The following TOP6BL variants were observed in gnomAD, a reference collection of about 807,000 sequenced individuals.
TOP6BL encodes type 2 DNA topoisomerase 6 subunit B-like.
chr11:66,833,044 T>G, the TOP6BL span, among the ~76,000 whole-genome samples: 1 of 137,324 alleles, frequency 7.3e-6, no homozygotes, highest in Non-Finnish European at 1.6e-5. Context: ...TTCTGCCTTT[T>G]TTTTTTTTTT....
the TOP6BL span, among the ~76,000 whole-genome samples, chr11:66,777,091 ATATC>A: frequency 4.8e-5 from 7 of 146,180 alleles, no homozygotes; most frequent in Non-Finnish European, 1.1e-4. Flanking sequence ...ATATATCTAT[ATATC>A]TATATCTATA....
the TOP6BL span, among the ~76,000 whole-genome samples, chr11:66,841,050 G>C: frequency 0.84 from 127,233 of 150,814 alleles, 54,226 homozygotes; most frequent in African/African-American, 0.95. Context: ...CTTTTAGTCT[G>C]TTTCATGATT....
the TOP6BL span, chr11:66,822,422 G>A: frequency 3.2e-6 from 2 of 616,468 alleles, no homozygotes; most frequent in Non-Finnish European, 5.9e-6. Context: ...GTAAAAATAT[G>A]TGAGGATCTC....
the TOP6BL span, chr11:66,744,971 T>A: frequency 1.1e-5 from 14 of 1,240,192 alleles, no homozygotes; most frequent in Non-Finnish European, 1.3e-5. Context: ...GGAGACGGGC[T>A]TTGTGAGGAG....
At chr11:66,785,282 C>T in the TOP6BL span, among the ~76,000 whole-genome samples, 2 of 152,056 alleles carry the variant, frequency 1.3e-5, no homozygotes, top group South Asian at 4.1e-4. Context: ...TCTAATACCC[C>T]ATTACTTTCT....
the TOP6BL span, among the ~76,000 whole-genome samples, chr11:66,837,809 T>G: frequency 6.6e-6 from 1 of 152,172 alleles, no homozygotes; most frequent in South Asian, 2.1e-4. Flanking sequence ...GAAAAGGAGC[T>G]GGGAGGATTG....
chr11:66,821,875 C>A, the TOP6BL span: 1 of 1,273,670 alleles, frequency 7.9e-7, no homozygotes, highest in African/African-American at 1.5e-5. Flanking sequence ...CCTTCCTCTC[C>A]TCTTCTGTCA....
chr11:66,762,867 A>G, the TOP6BL span, among the ~76,000 whole-genome samples: 1 of 152,248 alleles, frequency 6.6e-6, no homozygotes, highest in East Asian at 1.9e-4. Flanking sequence ...ATAGGAAACA[A>G]TTCTACCTTT....
the TOP6BL span, among the ~76,000 whole-genome samples, chr11:66,806,100 T>G: frequency 6.6e-6 from 1 of 152,148 alleles, no homozygotes; most frequent in Non-Finnish European, 1.5e-5. Flanking sequence ...ATGGTCAGAT[T>G]TAGAGATACA....
At chr11:66,762,722 G>A in the TOP6BL span, among the ~76,000 whole-genome samples, 1 of 152,168 alleles carries the variant, frequency 6.6e-6, no homozygotes, top group Non-Finnish European at 1.5e-5. Context: ...GCCTGCCTCG[G>A]CCTGCCAAAG....
chr11:66,839,137 A>AC, the TOP6BL span: 1 of 456,166 alleles, frequency 2.2e-6, no homozygotes, highest in Admixed American at 2.3e-5. Flanking sequence ...TGCAGTGCTT[A>AC]AACAGCCTTC....
At chr11:66,821,655 T>G in the TOP6BL span, 93 of 1,608,136 alleles carry the variant, frequency 5.8e-5, no homozygotes, top group Non-Finnish European at 7.6e-5. Context: ...GTCTATACTT[T>G]GCTCACAACT....
chr11:66,834,427 A>G, the TOP6BL span, among the ~76,000 whole-genome samples: 1 of 152,196 alleles, frequency 6.6e-6, no homozygotes, highest in African/African-American at 2.4e-5. Context: ...TTAGTGGTAC[A>G]AGAGTGGCAC....
the TOP6BL span, chr11:66,759,007 T>A: frequency 6.8e-7 from 1 of 1,466,288 alleles, no homozygotes; most frequent in Non-Finnish European, 9.3e-7. Context: ...TGCATTTACT[T>A]ATTTGTGATA....
the TOP6BL span, among the ~76,000 whole-genome samples, chr11:66,836,917 T>C: frequency 6.6e-6 from 1 of 151,364 alleles, no homozygotes; most frequent in African/African-American, 2.4e-5. Flanking sequence ...GTCAGGCTGG[T>C]CTCAAACTCC....
At chr11:66,790,376 A>G in the TOP6BL span, among the ~76,000 whole-genome samples, 1 of 152,184 alleles carries the variant, frequency 6.6e-6, no homozygotes, top group East Asian at 1.9e-4. Flanking sequence ...AGGATGGATG[A>G]TAGAAGTGAG....
chr11:66,804,117 T>C, the TOP6BL span: 1 of 1,614,024 alleles, frequency 6.2e-7, no homozygotes, highest in African/African-American at 1.3e-5. Context: ...GAACTGATAC[T>C]GACTCCAGCA....
At chr11:66,778,477 T>C in the TOP6BL span, among the ~76,000 whole-genome samples, 1 of 151,922 alleles carries the variant, frequency 6.6e-6, no homozygotes, top group Non-Finnish European at 1.5e-5. Flanking sequence ...AAATAAAATA[T>C]AAAATTTATA....
At chr11:66,747,038 G>GC in the TOP6BL span, among the ~76,000 whole-genome samples, 6 of 151,996 alleles carry the variant, frequency 3.9e-5, no homozygotes, top group African/African-American at 1.4e-4. Context: ...CCGAGTTCAA[G>GC]CAATTCTCCT....
Sources: allele counts gnomAD v4.1 joint callset (sites outside exome capture counted in the v4.1 genomes callset), GRCh38; gene constraint gnomAD v4.1.1; transcripts MANE v1.5; gene names NCBI Gene and HGNC (gene_info 2026-07-23, HGNC 2026-07-21).